Variants in MACROD2 observed in about 807,000 individuals in gnomAD.
MACROD2 encodes the protein ADP-ribose glycohydrolase MACROD2.
MACROD2 carries 36 observed loss-of-function variants against 70.4 expected under a neutral mutation model. The ratio of observed to expected loss-of-function variants is 0.51; its 90% CI spans 0.39 to 0.68. The LOEUF (loss-of-function observed/expected upper bound fraction) is 0.68. Ranked by LOEUF, MACROD2 falls within the 30% of genes least tolerant of loss-of-function variation. The pLI is 0.00. For synonymous variants in MACROD2, 172 were observed against 178.8 expected, an observed-to-expected ratio of 0.96 and a Z score of 0.30; for missense variants, 496 against 538.4, an observed-to-expected ratio of 0.92 and a Z score of 0.78.
intron 9 of MACROD2, among the ~76,000 whole-genome samples, chr20:15,877,774 G>A (rs922689709): frequency 6.6e-6 from 1 of 152,122 alleles, no homozygotes; most frequent in Non-Finnish European, 1.5e-5. Context: ...ATATTAAAAA[G>A]ATGAGGAGTG....
chr20:15,392,581 CAACAGG>C (rs2045807927), intron 6 of MACROD2, among the ~76,000 whole-genome samples: 1 of 151,992 alleles, frequency 6.6e-6, no homozygotes. Context: ...GCCTCTTTAC[CAACAGG>C]AAGATTCAGA....
chr20:15,168,520 C>T (rs1318007006), intron 5 of MACROD2, among the ~76,000 whole-genome samples: 1 of 149,934 alleles, frequency 6.7e-6, no homozygotes, highest in African/African-American at 2.5e-5. Context: ...CATTTAAAAA[C>T]TCAGAAAGAT....
intron 3 of MACROD2, among the ~76,000 whole-genome samples, chr20:14,375,727 C>T (rs1244413440): frequency 6.6e-6 from 1 of 152,054 alleles, no homozygotes; most frequent in African/African-American, 2.4e-5. Flanking sequence ...TCCGGTTTTG[C>T]GTTCAATTCA....
chr20:15,799,165 A>T (rs558070511), intron 8 of MACROD2, among the ~76,000 whole-genome samples: 3 of 152,182 alleles, frequency 2.0e-5, no homozygotes, highest in Non-Finnish European at 4.4e-5. Context: ...GGCATCTGGT[A>T]TGTCAAAAGA....
At chr20:14,724,241 C>T (rs939706807) in intron 5 of MACROD2, among the ~76,000 whole-genome samples, 3 of 151,900 alleles carry the variant, frequency 2.0e-5, no homozygotes, top group African/African-American at 7.3e-5. Context: ...ATTATGAACT[C>T]TGGGGTAAGA....
intron 3 of MACROD2, among the ~76,000 whole-genome samples, chr20:14,400,045 G>A (rs1222739943): frequency 3.8e-5 from 4 of 104,602 alleles, no homozygotes; most frequent in Admixed American, 1.2e-4. Context: ...CTAAGTATTT[G>A]TATTGATTAA....
At chr20:14,119,067 C>T (rs181689606) in intron 3 of MACROD2, among the ~76,000 whole-genome samples, 59 of 151,018 alleles carry the variant, frequency 3.9e-4, no homozygotes, top group African/African-American at 1.3e-3. Flanking sequence ...AGGCTGGTCT[C>T]GAACTCCTGA....
At chr20:15,482,929 A>G (rs1343974990) in intron 7 of MACROD2, among the ~76,000 whole-genome samples, 1 of 152,086 alleles carries the variant, frequency 6.6e-6, no homozygotes, top group Non-Finnish European at 1.5e-5. Flanking sequence ...TTTATTTATT[A>G]GTGAGTTTTA....
intron 8 of MACROD2, among the ~76,000 whole-genome samples, chr20:15,762,509 T>C (rs1401996969): frequency 6.6e-6 from 1 of 152,174 alleles, no homozygotes; most frequent in African/African-American, 2.4e-5. Flanking sequence ...CTCCTCCCAC[T>C]AAAGGAGCAG....
chr20:14,910,007 A>G (rs1352068103), intron 5 of MACROD2, among the ~76,000 whole-genome samples: 2 of 152,176 alleles, frequency 1.3e-5, no homozygotes, highest in East Asian at 3.9e-4. Flanking sequence ...AATTCTAGCC[A>G]TATCTTGCTA....
At chr20:15,531,000 CTT>C (rs10676355) in intron 8 of MACROD2, among the ~76,000 whole-genome samples, 6 of 134,580 alleles carry the variant, frequency 4.5e-5, no homozygotes, top group Admixed American at 7.4e-5. Context: ...AATAACTTCG[CTT>C]TTTTTTTTTT....
chr20:14,972,638 T>C (rs1442665471), intron 5 of MACROD2, among the ~76,000 whole-genome samples: 1 of 152,208 alleles, frequency 6.6e-6, no homozygotes, highest in Non-Finnish European at 1.5e-5. Context: ...GTAATTATGA[T>C]TTCAAAATAA....
Position 15,783,340 on chromosome 20 carries a change from G to A in MACROD2, c.646-79405G>A, listed in dbSNP as rs115545085. ...CAGTCCTAGTTGATAAATACTTTAC[G>A]TCATGGTTTTTGTCTTGTTTGTTTT... On this transcript the variant is annotated intron_variant, in intron 8 of 17. Coordinates refer to ENST00000684519, the MANE Select transcript of MACROD2 (RefSeq NM_001351661.2). Among the ~76,000 whole-genome samples the A allele has an allele frequency of 1.0e-2, 1,517 of 152,140 alleles. 28 individuals carry two copies. Among genetic ancestry groups the A allele is most frequent in the African/African-American group, 0.035 (1,441 of 41,512 alleles).
chr20:14,940,244 G>A (rs78791483), intron 5 of MACROD2, among the ~76,000 whole-genome samples: 23,334 of 151,806 alleles, frequency 0.15, 2,287 homozygotes, highest in Non-Finnish European at 0.22. Flanking sequence ...TAAGTTGGGA[G>A]GAACACCTGA....
chr20:14,222,517 G>C (rs1429703876), intron 3 of MACROD2, among the ~76,000 whole-genome samples: 1 of 152,084 alleles, frequency 6.6e-6, no homozygotes, highest in Admixed American at 6.6e-5. Flanking sequence ...GTGGATGACT[G>C]GGAGTTACTT....
chr20:14,341,629 A>G (rs2083013989), intron 3 of MACROD2, among the ~76,000 whole-genome samples: 1 of 152,074 alleles, frequency 6.6e-6, no homozygotes, highest in Non-Finnish European at 1.5e-5. Context: ...TACAAGCGAA[A>G]CTCCATCTCA....
intron 3 of MACROD2, among the ~76,000 whole-genome samples, chr20:14,310,946 T>C (rs1333701232): frequency 6.6e-6 from 1 of 152,204 alleles, no homozygotes; most frequent in Admixed American, 6.5e-5. Flanking sequence ...AACGCGTTTG[T>C]GTTTAAGCTA....
intron 8 of MACROD2, among the ~76,000 whole-genome samples, chr20:15,838,680 G>A (rs1314199458): frequency 1.3e-5 from 2 of 152,124 alleles, no homozygotes; most frequent in East Asian, 3.8e-4. Flanking sequence ...AGATTTTGAT[G>A]AGTTTTTGGA....
In MACROD2 at chr20:15,892,949, C is replaced by T. The variant is rs73614475; in HGVS notation, c.775+7138C>T. The T allele has an allele frequency of 2.7e-3, 1,065 of 398,936 alleles. 11 individuals carry two copies. The highest frequency in any genetic ancestry group is 0.024 in the East Asian group (678 of 28,068). 24.7% of individuals were successfully genotyped at this position (398,936 alleles called of 1,614,324 possible). ...CAGAGGGGTTAGAGCCAAAAGGCCT[C>T]TCTCCACCCTACAAAAAGAGCAAAG... On this transcript the variant is annotated intron_variant, in intron 10 of 17. Coordinates refer to ENST00000684519, the MANE Select transcript of MACROD2 (RefSeq NM_001351661.2).
Sources: gnomAD v4.1 joint callset for allele counts (sites outside exome capture counted in the v4.1 genomes callset) on GRCh38, gnomAD v4.1.1 for gene constraint, MANE v1.5 for transcripts, NCBI Gene and HGNC (gene_info 2026-07-23, HGNC 2026-07-21) for gene names.